AHSG: variants seen among roughly 807,000 people sequenced by gnomAD.
The protein encoded by AHSG is alpha 2-HS glycoprotein.
AHSG carries 23 observed loss-of-function variants against 30.1 expected under a neutral mutation model. The ratio of observed to expected loss-of-function variants is 0.76; its 90% CI spans 0.55 to 1.08. The LOEUF is 1.08. Ranked by LOEUF, AHSG falls within the 50% of genes least tolerant of loss-of-function variation. The pLI is 0.00. For synonymous variants in AHSG, 164 were observed against 186.3 expected (o/e 0.88, Z 0.98); for missense variants, 469 against 459.5 (o/e 1.02, Z -0.19).
rs776607710 is a variant in AHSG at position 186,613,147 on chromosome 3, G to T, written c.6G>T (p.Lys2Asn). M[K>N]SLVLLLCLAQ... Reference sequence around the variant, plus strand: ...AGGGCCTCTCTGGGGCAGCCATGAAGTCCCTCGTCCTGCTCCTTTGTCTTG... The same window carrying T: ...AGGGCCTCTCTGGGGCAGCCATGAATTCCCTCGTCCTGCTCCTTTGTCTTG... Residue 2 changes from lysine (K) to asparagine (N), a missense_variant, in exon 1 of 7, where the codon AAG becomes AAT. Lys to Asn is a moderately conservative substitution (Grantham distance 94, BLOSUM62 0). Transcript: ENST00000411641. 1.2e-6 allele frequency: 2 copies of T among 1,614,040 alleles called. No homozygotes were observed. Among genetic ancestry groups the T allele is most frequent in the South Asian group, 1.1e-5 (1 of 91,058 alleles).
At chr3:186,614,280 C>A (rs1027185355) in intron 1 of AHSG, among the ~76,000 whole-genome samples, 1 of 152,160 alleles carries the variant, frequency 6.6e-6, no homozygotes, top group East Asian at 1.9e-4. Flanking sequence ...CTTCCTTGGA[C>A]AAGAACCAGA....
At chr3:186,620,516 C>T in intron 6 of AHSG, 70 bp from the exon 7 acceptor site, 1 of 1,388,418 alleles carries the variant, frequency 7.2e-7, no homozygotes, top group Non-Finnish European at 9.9e-7. Context: ...GCCAGTGCCA[C>T]CTGGGCCTGT....
chr3:186,616,677 T>C, intron 3 of AHSG, 150 bp downstream of exon 3: 1 of 744,552 alleles, frequency 1.3e-6, no homozygotes, highest in South Asian at 2.0e-5. Flanking sequence ...TTTAAAATTG[T>C]GTTTTAAGAA....
chr3:186,617,037 GC>G, intron 3 of AHSG, 149 bp from the exon 4 acceptor site: 1 of 1,476,830 alleles, frequency 6.8e-7, no homozygotes, highest in Non-Finnish European at 9.0e-7. Context: ...AGAAATGTCA[GC>G]ATAGCAAAAG....
Position 186,619,950 on chromosome 3 carries a change from C to A in AHSG, c.759+10C>A, listed in dbSNP as rs1716427511. On this transcript the variant is annotated intron_variant, in intron 6 of 6. Transcript: ENST00000411641. The stretch of plus-strand genomic sequence containing the variant: ...GGTGTTCCAAACACAGGTAACAGCT[C>A]CGTGAATATTCTTGCCTACACCTTC... 6.2e-7 allele frequency: 1 copy of A among 1,601,860 alleles called. No individual in the cohort carries two copies. The highest frequency in any genetic ancestry group is 1.3e-5 in the African/African-American group (1 of 74,080).
chr3:186,616,597 C>CAACTT, intron 3 of AHSG, 70 bp downstream of exon 3: 1 of 1,304,194 alleles, frequency 7.7e-7, no homozygotes, highest in Non-Finnish European at 1.1e-6. Flanking sequence ...GAATAATTTT[C>CAACTT]AACTTAAGTA....
Position 186,616,458 on chromosome 3 carries a change from T to C in AHSG, c.340T>C (p.Cys114Arg). The C allele has an allele frequency of 2.5e-6, 4 of 1,613,394 alleles. No individual in the cohort carries two copies. The highest frequency in any genetic ancestry group is 3.4e-6 in the Non-Finnish European group (4 of 1,179,650). ...CTTTCTCCAGGCTGTCGAAGGAGACTGTGATTTCCAGCTGTTGAAACTAGA... is the reference window on the plus strand; with the variant it reads ...CTTTCTCCAGGCTGTCGAAGGAGACCGTGATTTCCAGCTGTTGAAACTAGA... ...QLKEHAVEGDCDFQLLKLDGK... is the reference protein window; with the variant it reads ...QLKEHAVEGDRDFQLLKLDGK... Residue 114 changes from cysteine (C) to arginine (R), a missense_variant, in exon 3 of 7, where the codon TGT (cysteine) becomes CGT (arginine). Transcript: ENST00000411641.
chr3:186,617,826 T>A, intron 4 of AHSG: 1 of 238,310 alleles, frequency 4.2e-6, no homozygotes, highest in South Asian at 5.4e-5. Flanking sequence ...AGAAAACATC[T>A]CATTGTACTG....
chr3:186,621,082 T>A lies in AHSG; in HGVS notation c.*152T>A. 1 of 727,324 alleles carries A rather than the reference T, an allele frequency of 1.4e-6. No homozygotes were observed. The highest frequency in any genetic ancestry group is 2.2e-6 in the Non-Finnish European group (1 of 448,516). 45.1% of individuals were successfully genotyped at this position (727,324 alleles called of 1,614,324 possible). A position where few individuals can be genotyped will look rare whatever the true frequency, so the allele number is the denominator to read the frequency against. On this transcript the variant is annotated 3_prime_UTR_variant, in exon 7 of 7. Transcript: ENST00000411641. The stretch of plus-strand genomic sequence containing the variant: ...TCAAGTCTTGACTCCCTACTTCCCG[T>A]CATTCCTCACAGGACAGAAGCAGAG...
At chr3:186,617,508 G>T in intron 4 of AHSG, 158 bp downstream of exon 4, 1 of 1,376,838 alleles carries the variant, frequency 7.3e-7, no homozygotes. Flanking sequence ...CATCCTAAGG[G>T]GGTATGAGGC....
intron 4 of AHSG, chr3:186,617,711 T>C: frequency 2.7e-6 from 1 of 370,328 alleles, no homozygotes; most frequent in South Asian, 2.3e-5. Flanking sequence ...TGGGCTCCAG[T>C]ACCACCCATC....
At position 186,621,046 on chromosome 3, in the gene AHSG, C is replaced by T; in HGVS notation, c.*116C>T. The T allele has an allele frequency of 2.1e-6, 2 of 951,640 alleles. No individual in the cohort carries two copies. The highest frequency in any genetic ancestry group is 3.1e-6 in the Non-Finnish European group (2 of 637,008). The allele number at this position is 951,640 out of a possible 1,614,324, so 58.9% of individuals were successfully genotyped here. On this transcript the variant is annotated 3_prime_UTR_variant, in exon 7 of 7. Coordinates refer to ENST00000411641, the MANE Select transcript of AHSG (RefSeq NM_001622.4). Reference sequence around the variant, plus strand: ...TGGCCACGCAAGTGTCACATGCGATCTACATTAATATCAAGTCTTGACTCC... The same window carrying T: ...TGGCCACGCAAGTGTCACATGCGATTTACATTAATATCAAGTCTTGACTCC...
chr3:186,613,891 T>TTG (rs370968053), intron 1 of AHSG, among the ~76,000 whole-genome samples: 11 of 151,906 alleles, frequency 7.2e-5, no homozygotes, highest in East Asian at 1.9e-4. Context: ...CAAGGCTCTG[T>TTG]TGTGTGTGTG....
chr3:186,619,298 A>G (rs1055114173), intron 5 of AHSG, among the ~76,000 whole-genome samples: 1 of 152,208 alleles, frequency 6.6e-6, no homozygotes, highest in Non-Finnish European at 1.5e-5. Context: ...CTCTGTCTCA[A>G]GAAAAAAAGA....
intron 1 of AHSG, among the ~76,000 whole-genome samples, chr3:186,615,069 A>G (rs1030896492): frequency 6.6e-6 from 1 of 152,152 alleles, no homozygotes; most frequent in Non-Finnish European, 1.5e-5. Context: ...GCATCGTTGC[A>G]TGCCGGCACC....
In AHSG at chr3:186,620,593, G is replaced by T; in HGVS notation, c.767G>T (p.Ser256Ile). 6.3e-7 allele frequency: 1 copy of T among 1,593,868 alleles called. No homozygotes were observed. Among genetic ancestry groups the T allele is most frequent in the South Asian group, 1.1e-5 (1 of 90,440 alleles). Residue 256 changes from serine (S) to isoleucine (I), a missense_variant, in exon 7 of 7, where the codon AGC (serine) becomes ATC (isoleucine). Coordinates refer to ENST00000411641, the MANE Select transcript of AHSG (RefSeq NM_001622.4). ...TCMVFQTQPV[S>I]SQPQPEGANE... The stretch of plus-strand genomic sequence containing the variant: ...AAATGGTCCTTTTTCCAGCCCGTGA[G>T]CTCACAGCCCCAACCAGAAGGTGCC...
Position 186,615,790 on chromosome 3 carries a change from G to A in AHSG, c.319G>A (p.Glu107Lys), listed in dbSNP as rs1716283941. ...AAGATGCAGCGTGAGGCAGCTGAAG[G>A]AGCATGTGAGTACCCTTCTTAGGAT... ...VARCSVRQLK[E>K]HAVEGDCDFQ... Residue 107 changes from glutamate to lysine, a missense_variant, in exon 2 of 7, where the codon GAG becomes AAG. By Grantham distance (56) the Glu-to-Lys change is moderately conservative. Coordinates refer to ENST00000411641, the MANE Select transcript of AHSG (RefSeq NM_001622.4). 5 of 1,613,856 alleles carry A rather than the reference G, an allele frequency of 3.1e-6. 1 individual carries two copies. In the South Asian group the frequency reaches 5.5e-5, roughly 18 times the overall value.
At chr3:186,617,947 A>G (rs1269423634) in intron 4 of AHSG, 1 of 166,614 alleles carries the variant, frequency 6.0e-6, no homozygotes, top group Non-Finnish European at 1.3e-5. Flanking sequence ...CGGCAATTCT[A>G]TTAATCAGAA....
At chr3:186,619,725 C>A in intron 5 of AHSG, 132 bp from the exon 6 acceptor site, 1 of 640,716 alleles carries the variant, frequency 1.6e-6, no homozygotes. Flanking sequence ...GAATCATATA[C>A]CTCCCACAAG....
Sources: allele counts gnomAD v4.1 joint callset (sites outside exome capture counted in the v4.1 genomes callset), GRCh38; gene constraint gnomAD v4.1.1; transcripts MANE v1.5; gene names NCBI Gene and HGNC (gene_info 2026-07-23, HGNC 2026-07-21).